TMEM245: variants seen among roughly 807,000 people sequenced by gnomAD.
TMEM245 encodes the protein transmembrane protein 245.
In TMEM245, 69 loss-of-function variants were observed where a neutral mutation model predicts 101.2. The observed-to-expected ratio is 0.68, with a 90% CI of 0.56 to 0.83. TMEM245 has a LOEUF of 0.83. TMEM245 is among the 40% of genes least tolerant of loss of function. The pLI is 0.00. For missense variants in TMEM245, 1,075 were observed against 1,092.8 expected (o/e 0.98, Z 0.23); for synonymous variants, 537 against 449.8 (o/e 1.19, Z -2.45).
At position 109,016,886 on chromosome 9, in the gene TMEM245, G is replaced by A. The variant is rs1184935589; in HGVS notation, c.*3574C>T. On this transcript the variant is annotated 3_prime_UTR_variant, in exon 18 of 18. Coordinates refer to ENST00000374586, the MANE Select transcript of TMEM245 (RefSeq NM_032012.4). ...AAGGGTCTTAGGAGGCCCCTCAGAG[G>A]AGACTGCAAGGTCAGGGCTAGAGTA... The A allele has an allele frequency of 6.6e-6, 1 of 152,124 alleles. No individual in the cohort carries two copies. Among genetic ancestry groups the A allele is most frequent in the Non-Finnish European group, 1.5e-5 (1 of 68,014 alleles). 9.4% of individuals were successfully genotyped at this position (152,124 alleles called of 1,614,324 possible).
At chr9:109,048,273 G>A (rs1201482051) in intron 14 of TMEM245, among the ~76,000 whole-genome samples, 1 of 152,156 alleles carries the variant, frequency 6.6e-6, no homozygotes, top group African/African-American at 2.4e-5. Flanking sequence ...AGGAAAAGGG[G>A]AGAGAACTTA....
intron 8 of TMEM245, among the ~76,000 whole-genome samples, chr9:109,074,591 T>C (rs975311084): frequency 1.5e-5 from 2 of 134,618 alleles, no homozygotes; most frequent in African/African-American, 2.7e-5. Flanking sequence ...CCACCCCTCA[T>C]CTCTGTCCCT....
chr9:109,109,483 T>C (rs1366434734), intron 1 of TMEM245, among the ~76,000 whole-genome samples: 1 of 151,130 alleles, frequency 6.6e-6, no homozygotes, highest in Non-Finnish European at 1.5e-5. Context: ...AGCTATATAA[T>C]TCAGAGCATG....
At chr9:109,100,720 C>G (rs117644116) in intron 3 of TMEM245, among the ~76,000 whole-genome samples, 5,232 of 152,250 alleles carry the variant, frequency 0.034, 126 homozygotes, top group Middle Eastern at 0.048. Context: ...CAGTTAATCT[C>G]TAGAAGTATC....
chr9:109,023,662 G>A (rs1356245448), intron 17 of TMEM245, among the ~76,000 whole-genome samples: 1 of 151,880 alleles, frequency 6.6e-6, no homozygotes, highest in Non-Finnish European at 1.5e-5. Flanking sequence ...GTGAAACCCC[G>A]TCCCCACTAA....
chr9:109,041,453 ATTTTT>A (rs1193341550), intron 14 of TMEM245, among the ~76,000 whole-genome samples: 15 of 83,258 alleles, frequency 1.8e-4, no homozygotes, highest in African/African-American at 6.0e-4. Flanking sequence ...CATCCTACAA[ATTTTT>A]TTTTTTTTTT....
intron 14 of TMEM245, among the ~76,000 whole-genome samples, chr9:109,043,279 T>C (rs1414094438): frequency 1.3e-5 from 2 of 152,196 alleles, no homozygotes; most frequent in Admixed American, 6.5e-5. Flanking sequence ...AACATCACGA[T>C]AGACGTGGAC....
In TMEM245 at chr9:109,050,637, G is replaced by A; in HGVS notation, c.1910C>T (p.Thr637Ile). 1.2e-6 allele frequency: 2 copies of A among 1,613,570 alleles called. No individual in the cohort carries two copies. The highest frequency in any genetic ancestry group is 1.1e-5 in the South Asian group (1 of 91,030). Reference protein sequence around the residue: ...MSRNVSLLFTTVTTLLTILFY... With the variant: ...MSRNVSLLFTIVTTLLTILFY... ...GAGGATGGTCAAGAGTGTAGTGACA[G>A]TGGTGAACAGCAGGCTCACATTCCG... The change falls in exon 13 of 18, where the codon ACT becomes ATT. Residue 637 changes from threonine (T) to isoleucine (I), a missense_variant. Transcript: ENST00000374586.
intron 12 of TMEM245, among the ~76,000 whole-genome samples, chr9:109,055,044 T>C (rs1828790821): frequency 6.6e-6 from 1 of 152,232 alleles, no homozygotes. Flanking sequence ...GCAAAACTGT[T>C]ATTTTAGTTT....
intron 6 of TMEM245, among the ~76,000 whole-genome samples, chr9:109,086,668 A>T (rs867104538): frequency 6.6e-6 from 1 of 152,374 alleles, no homozygotes; most frequent in Middle Eastern, 3.4e-3. Context: ...ATGGATTCAT[A>T]GTCCATGCTC....
In TMEM245 at chr9:109,015,409, T is replaced by G. The variant is rs1827407782; in HGVS notation, c.*5051A>C. The G allele has an allele frequency of 6.6e-6, 1 of 152,210 alleles. No individual in the cohort carries two copies. Among genetic ancestry groups the G allele is most frequent in the African/African-American group, 2.4e-5 (1 of 41,454 alleles). The allele number at this position is 152,210 out of a possible 1,614,324, so 9.4% of individuals were successfully genotyped here. On this transcript the variant is annotated 3_prime_UTR_variant, in exon 18 of 18. Coordinates refer to ENST00000374586, the MANE Select transcript of TMEM245 (RefSeq NM_032012.4). ...ATCTTAGTTCAAAATCAAATTGTAC[T>G]GGAAATACACTTCAGTTACCTAAAT...
Position 109,022,239 on chromosome 9 carries a change from T to C in TMEM245, c.2595-1734A>G, listed in dbSNP as rs1476638944. The stretch of plus-strand genomic sequence containing the variant: ...ATGGTGCCCTAAGCCTCTGGATCTC[T>C]GAAGCACGCCTCTACTAGCACAGCT... On this transcript the variant is annotated intron_variant, in intron 17 of 17. Coordinates refer to ENST00000374586, the MANE Select transcript of TMEM245 (RefSeq NM_032012.4). Among the ~76,000 whole-genome samples, 4 of 152,216 alleles carry C rather than the reference T, an allele frequency of 2.6e-5. No individual in the cohort carries two copies. The East Asian group carries it at 7.7e-4, about 29-fold the overall frequency.
chr9:109,084,660 G>A (rs1233674813), intron 7 of TMEM245, among the ~76,000 whole-genome samples: 8 of 152,130 alleles, frequency 5.3e-5, no homozygotes, highest in East Asian at 3.9e-4. Context: ...CCTGAGCAAC[G>A]GAGCAAGACC....
Position 109,050,330 on chromosome 9 carries a change from T to G in TMEM245, c.2076A>C (p.Pro692=), listed in dbSNP as rs759728337. The change falls in exon 14 of 18, where the codon CCA becomes CCC. Residue 692 remains proline (P), a synonymous_variant. Transcript: ENST00000374586. ...GGCCAATAATATTAGAAGAAGGACC[T>G]GGCTGAGATAGTGGAGTCAGGCTTA... The part of the protein sequence containing the change: ...WVISLTPLSQ[P]GPSSNIIGQS... 8 of 1,614,122 alleles carry G rather than the reference T, an allele frequency of 5.0e-6. No individual in the cohort carries two copies. Among genetic ancestry groups the G allele is most frequent in the Non-Finnish European group, 6.8e-6 (8 of 1,180,008 alleles).
chr9:109,089,030 C>T (rs1443460822), intron 5 of TMEM245, among the ~76,000 whole-genome samples: 1 of 151,874 alleles, frequency 6.6e-6, no homozygotes, highest in Non-Finnish European at 1.5e-5. Flanking sequence ...AGTCCCAGCA[C>T]TTTGGGAAGC....
At chr9:109,093,451 G>A (rs768483480) in intron 4 of TMEM245, 24 bp downstream of exon 4, 19 of 1,579,578 alleles carry the variant, frequency 1.2e-5, no homozygotes, top group Non-Finnish European at 1.4e-5. Context: ...GAATAACCTT[G>A]AATGTCACCA....
chr9:109,026,902 C>T (rs1827807363), intron 17 of TMEM245, among the ~76,000 whole-genome samples: 1 of 152,048 alleles, frequency 6.6e-6, no homozygotes, highest in Non-Finnish European at 1.5e-5. Flanking sequence ...ACACCTGCTC[C>T]CCCTTTGCCT....
rs377402583 is a variant in TMEM245, at chr9:109,105,418, A to C, written c.799+1090T>G. Reference sequence around the variant, plus strand: ...CACTGCTGGTAGAAATCTGAATGGTACATCTGCTGTGGAAAACAGTTTGGC... The same window carrying C: ...CACTGCTGGTAGAAATCTGAATGGTCCATCTGCTGTGGAAAACAGTTTGGC... On this transcript the variant is annotated intron_variant, in intron 3 of 17. Transcript: ENST00000374586. Among the ~76,000 whole-genome samples, 21 of 152,356 alleles carry C rather than the reference A, an allele frequency of 1.4e-4. No individual in the cohort carries two copies. The South Asian group carries it at 3.7e-3, about 27-fold the overall frequency.
In TMEM245 at chr9:109,106,580, C is replaced by T; in HGVS notation, c.727G>A (p.Val243Ile). Reference sequence around the variant, plus strand: ...ATCAGGAAAACAATAACCAGGAATACTGGAATTCTCCATGAGCCAGCCAGG... The same window carrying T: ...ATCAGGAAAACAATAACCAGGAATATTGGAATTCTCCATGAGCCAGCCAGG... ...ASLAGSWRIP[V>I]FLVIVFLMSV... Residue 243 changes from valine (V) to isoleucine (I), a missense_variant, in exon 3 of 18, where the codon GTA becomes ATA. This residue lies in a region of TMEM245 where 808 missense variants were observed against 741.5 expected (regional missense o/e 1.09). Transcript: ENST00000374586. The T allele has an allele frequency of 6.2e-7, 1 of 1,612,874 alleles. No homozygotes were observed. The highest frequency in any genetic ancestry group is 8.5e-7 in the Non-Finnish European group (1 of 1,179,324).
Sources: gnomAD v4.1 joint callset for allele counts (sites outside exome capture counted in the v4.1 genomes callset) on GRCh38, gnomAD v4.1.1 for gene constraint, gnomAD v4.1.1 regional missense constraint, MANE v1.5 for transcripts, NCBI Gene and HGNC (gene_info 2026-07-23, HGNC 2026-07-21) for gene names.